The following SPATA31H1 variants were observed in gnomAD, a reference collection of about 807,000 sequenced individuals.
SPATA31H1 encodes SPATA31 subfamily H member 1.
chr2:27,544,189 G>A, the SPATA31H1 span, among the ~76,000 whole-genome samples: 4 of 151,882 alleles, frequency 2.6e-5, no homozygotes, highest in Non-Finnish European at 5.9e-5. Context: ...AAGCTTTTTT[G>A]TTAACAAATA....
the SPATA31H1 span, chr2:27,570,748 G>A: frequency 3.3e-5 from 13 of 398,842 alleles, no homozygotes; most frequent in Admixed American, 5.7e-4. Flanking sequence ...GGGCCAGAGG[G>A]GGAAGGGGTT....
the SPATA31H1 span, among the ~76,000 whole-genome samples, chr2:27,540,468 C>T: frequency 3.2e-4 from 37 of 116,764 alleles, no homozygotes; most frequent in South Asian, 1.3e-3. Flanking sequence ...CCAGTAGGGG[C>T]GGCCGGGCAG....
At chr2:27,580,220 T>C in the SPATA31H1 span, 1 of 1,614,076 alleles carries the variant, frequency 6.2e-7, no homozygotes, top group South Asian at 1.1e-5. Flanking sequence ...CCACAATAGA[T>C]TTGCAGTCTG....
the SPATA31H1 span, among the ~76,000 whole-genome samples, chr2:27,551,177 A>C: frequency 6.6e-6 from 1 of 152,042 alleles, no homozygotes; most frequent in Non-Finnish European, 1.5e-5. Flanking sequence ...GGTGTGAGCC[A>C]CTGTGCCTGG....
the SPATA31H1 span, chr2:27,577,920 C>T: frequency 6.2e-7 from 1 of 1,614,060 alleles, no homozygotes; most frequent in African/African-American, 1.3e-5. This position sits in a 1 kb window ranked among gnomAD's most constrained non-coding sequence, Gnocchi z 4.5. Flanking sequence ...ATCAATGGGG[C>T]TAACAAAGTC....
the SPATA31H1 span, chr2:27,578,334 G>A: frequency 6.2e-7 from 1 of 1,614,100 alleles, no homozygotes; most frequent in South Asian, 1.1e-5. Flanking sequence ...GTTTCAAATT[G>A]TAAAAACTAT....
At chr2:27,568,282 A>T in the SPATA31H1 span, 4 of 398,912 alleles carry the variant, frequency 1.0e-5, no homozygotes, top group African/African-American at 2.1e-5. Context: ...AGGCCACAAC[A>T]TGCAGTTACG....
chr2:27,574,338 G>A, the SPATA31H1 span: 2 of 398,366 alleles, frequency 5.0e-6, no homozygotes, highest in Admixed American at 8.8e-5. Context: ...AAAGCTTCAG[G>A]GTGTGAAATC....
chr2:27,556,694 T>A, the SPATA31H1 span, among the ~76,000 whole-genome samples: 36,612 of 120,522 alleles, frequency 0.3, 5,211 homozygotes, highest in East Asian at 0.48. Context: ...GGGCATATAT[T>A]TTTTTTTTTT....
At chr2:27,574,647 T>C in the SPATA31H1 span, 1 of 398,454 alleles carries the variant, frequency 2.5e-6, no homozygotes, top group Non-Finnish European at 4.4e-6. Context: ...ATCTTCTGAG[T>C]TGATTCAGGG....
At chr2:27,568,328 A>G in the SPATA31H1 span, 1 of 398,894 alleles carries the variant, frequency 2.5e-6, no homozygotes, top group East Asian at 3.6e-5. Context: ...CACAGCATAA[A>G]GTCATGGAAT....
chr2:27,548,127 G>A, the SPATA31H1 span, among the ~76,000 whole-genome samples: 5 of 151,482 alleles, frequency 3.3e-5, no homozygotes, highest in South Asian at 2.1e-4. Context: ...GACTACAGGC[G>A]CCTGCCACTG....
the SPATA31H1 span, among the ~76,000 whole-genome samples, chr2:27,550,324 G>C: frequency 6.8e-6 from 1 of 147,172 alleles, no homozygotes; most frequent in Non-Finnish European, 1.5e-5. Context: ...ATGTTTGATA[G>C]AGTGTATTTA....
the SPATA31H1 span, chr2:27,575,039 G>T: frequency 2.5e-6 from 1 of 398,540 alleles, no homozygotes; most frequent in Non-Finnish European, 4.4e-6. This position sits in a 1 kb window ranked among gnomAD's most constrained non-coding sequence, Gnocchi z 4.1. Context: ...CAACTTCACA[G>T]TTACAAGATA....
At chr2:27,540,712 GGTT>G in the SPATA31H1 span, among the ~76,000 whole-genome samples, 1 of 134,936 alleles carries the variant, frequency 7.4e-6, no homozygotes, top group East Asian at 2.4e-4. Context: ...TCCCAGACAG[GGTT>G]GCGGCCCAGC....
chr2:27,578,354 A>G, the SPATA31H1 span: 1 of 1,614,206 alleles, frequency 6.2e-7, no homozygotes. Context: ...TGTTAATCCC[A>G]GGGCCATCCC....
chr2:27,580,049 T>C, the SPATA31H1 span: 4 of 1,614,062 alleles, frequency 2.5e-6, no homozygotes, highest in Non-Finnish European at 3.4e-6. Context: ...CTGAAGGCCA[T>C]GGTGAGGTTC....
At chr2:27,563,932 G>T in the SPATA31H1 span, among the ~76,000 whole-genome samples, 1 of 151,600 alleles carries the variant, frequency 6.6e-6, no homozygotes, top group Non-Finnish European at 1.5e-5. Context: ...GTCCAGGCTG[G>T]TCTCAAACTC....
the SPATA31H1 span, chr2:27,575,168 C>T: frequency 2.5e-6 from 1 of 398,376 alleles, no homozygotes; most frequent in Admixed American, 4.4e-5. This position sits in a 1 kb window ranked among gnomAD's most constrained non-coding sequence, Gnocchi z 4.1. Flanking sequence ...AGACGGTGAA[C>T]TCTACAGAAG....
Sources: gnomAD v4.1 joint callset for allele counts (sites outside exome capture counted in the v4.1 genomes callset) on GRCh38, gnomAD v4.1.1 for gene constraint, Gnocchi (gnomAD v3.1) non-coding constraint, MANE v1.5 for transcripts, NCBI Gene and HGNC (gene_info 2026-07-23, HGNC 2026-07-21) for gene names.